Variants in NPNT observed in about 807,000 individuals in gnomAD.
NPNT encodes nephronectin.
A neutral mutation model predicts 68.6 loss-of-function variants in NPNT; 45 were observed. That is an observed-to-expected ratio of 0.66 (90% CI 0.52 to 0.84). NPNT has a LOEUF of 0.84. Ranked by LOEUF, NPNT falls within the 40% of genes least tolerant of loss-of-function variation. The pLI, the probability that NPNT is intolerant of heterozygous loss-of-function variation, is 0.00. For synonymous variants in NPNT, 233 were observed against 253.3 expected, an observed-to-expected ratio of 0.92 and a Z score of 0.76; for missense variants, 672 against 714.8, an observed-to-expected ratio of 0.94 and a Z score of 0.68.
chr4:105,942,803 T>G, intron 8 of NPNT, 101 bp downstream of exon 8: 3 of 1,157,038 alleles, frequency 2.6e-6, no homozygotes, highest in Non-Finnish European at 3.7e-6. Flanking sequence ...TAAGAAGAAC[T>G]AGCTATGTAA....
At chr4:105,949,987 C>T (rs921637053) in intron 8 of NPNT, among the ~76,000 whole-genome samples, 5 of 152,208 alleles carry the variant, frequency 3.3e-5, no homozygotes, top group South Asian at 2.1e-4. Context: ...ACTGTACTAT[C>T]GTTGATAACA....
At chr4:105,896,208 G>A (rs1270638818) in intron 1 of NPNT, among the ~76,000 whole-genome samples, 2 of 152,124 alleles carry the variant, frequency 1.3e-5, no homozygotes, top group African/African-American at 4.8e-5. Flanking sequence ...TCAGCGACTG[G>A]GCTACGGGGG....
chr4:105,949,980 G>C lies in NPNT; in HGVS notation c.1159+7278G>C, dbSNP rs973463487. ...CCAGTAATTTTTAAACTGTTCAACT[G>C]TACTATCGTTGATAACAGTAATTCA... On this transcript the variant is annotated intron_variant, in intron 8 of 11. Transcript: ENST00000379987. Among the ~76,000 whole-genome samples the C allele has an allele frequency of 3.3e-5, 5 of 152,240 alleles. No homozygotes were observed. The South Asian group carries it at 1.0e-3, about 32-fold the overall frequency.
intron 11 of NPNT, 27 bp from the exon 12 acceptor site, chr4:105,968,868 T>C (rs1732373749): frequency 7.9e-6 from 11 of 1,397,364 alleles, no homozygotes; most frequent in Non-Finnish European, 1.0e-5. Context: ...AGAGGAGGCT[T>C]GACTGGTGTG....
chr4:105,909,072 G>A (rs935356551), intron 2 of NPNT, among the ~76,000 whole-genome samples: 1 of 152,048 alleles, frequency 6.6e-6, no homozygotes, highest in Admixed American at 6.5e-5. Flanking sequence ...GTAATTATCA[G>A]CAGAATATTT....
At chr4:105,917,754 C>T (rs538115367) in intron 2 of NPNT, among the ~76,000 whole-genome samples, 1 of 152,096 alleles carries the variant, frequency 6.6e-6, no homozygotes, top group South Asian at 2.1e-4. Flanking sequence ...AATGGCATTC[C>T]ATGTGAAAGT....
chr4:105,947,683 A>G (rs534413558), intron 8 of NPNT, among the ~76,000 whole-genome samples: 28 of 152,246 alleles, frequency 1.8e-4, no homozygotes, highest in African/African-American at 5.5e-4. Context: ...GCTGGGCCCA[A>G]TAATTTATAT....
In NPNT at chr4:105,967,204, A is replaced by C; in HGVS notation, c.1362A>C (p.Thr454=). 1 of 1,613,746 alleles carries C rather than the reference A, an allele frequency of 6.2e-7. No individual in the cohort carries two copies. The highest frequency in any genetic ancestry group is 1.7e-5 in the Admixed American group (1 of 60,018). Residue 454 remains threonine (T), a synonymous_variant, in exon 11 of 12, where the codon ACA becomes ACC. Transcript: ENST00000379987. ...IRDPAGGQYL[T]VSAAKAPGGK... ...CCATTCCAGGTGGACAATATCTGAC[A>C]GTGTCGGCAGCCAAAGCCCCAGGGG...
intron 10 of NPNT, among the ~76,000 whole-genome samples, chr4:105,963,126 G>A (rs997478347): frequency 6.6e-6 from 1 of 152,128 alleles, no homozygotes. Flanking sequence ...TCAGTAGGCT[G>A]AGGCAGGAGA....
chr4:105,896,274 A>T (rs1725836660), intron 1 of NPNT, among the ~76,000 whole-genome samples: 1 of 152,106 alleles, frequency 6.6e-6, no homozygotes, highest in Non-Finnish European at 1.5e-5. Context: ...CAAAATGAGG[A>T]CCGGAGGGTG....
intron 10 of NPNT, among the ~76,000 whole-genome samples, chr4:105,965,922 T>G (rs1732091808): frequency 6.6e-6 from 1 of 152,180 alleles, no homozygotes; most frequent in African/African-American, 2.4e-5. Flanking sequence ...TTTAAGTTGT[T>G]CACAACCTGC....
intron 4 of NPNT, 80 bp from the exon 5 acceptor site, chr4:105,938,221 G>A (rs1208559949): frequency 3.0e-5 from 42 of 1,418,112 alleles, no homozygotes; most frequent in Non-Finnish European, 4.1e-5. Context: ...CTGATTTCAG[G>A]ACAAGTGAAA....
At chr4:105,964,717 T>C (rs1285847779) in intron 10 of NPNT, among the ~76,000 whole-genome samples, 1 of 152,186 alleles carries the variant, frequency 6.6e-6, no homozygotes, top group African/African-American at 2.4e-5. Context: ...GGAAGTTTTC[T>C]ATACAAAAAG....
chr4:105,897,068 G>A (rs1334214882), intron 1 of NPNT, among the ~76,000 whole-genome samples: 1 of 152,144 alleles, frequency 6.6e-6, no homozygotes, highest in Admixed American at 6.5e-5. Context: ...ACTTTAAAAA[G>A]ATGTCTAAAA....
At chr4:105,922,387 ATATT>A (rs1178101214) in intron 2 of NPNT, among the ~76,000 whole-genome samples, 4 of 129,054 alleles carry the variant, frequency 3.1e-5, no homozygotes, top group African/African-American at 1.6e-4. Flanking sequence ...CTTAAGATGG[ATATT>A]TTTTTTTTTT....
intron 3 of NPNT, among the ~76,000 whole-genome samples, chr4:105,936,590 A>T (rs890397346): frequency 1.2e-4 from 18 of 152,248 alleles, no homozygotes; most frequent in African/African-American, 4.1e-4. Context: ...CTTTAAACAG[A>T]GAAAGGAAGA....
At chr4:105,924,294 A>G (rs1428291337) in intron 2 of NPNT, among the ~76,000 whole-genome samples, 2 of 152,214 alleles carry the variant, frequency 1.3e-5, no homozygotes, top group Non-Finnish European at 2.9e-5. Context: ...CATTATATAT[A>G]TAACAAATGT....
intron 10 of NPNT, among the ~76,000 whole-genome samples, chr4:105,963,935 T>C (rs1343727621): frequency 1.3e-5 from 2 of 151,948 alleles, no homozygotes. Context: ...AGAGAGATAT[T>C]TTTGGATACA....
chr4:105,901,191 C>A (rs778528846), intron 2 of NPNT, among the ~76,000 whole-genome samples: 44 of 152,142 alleles, frequency 2.9e-4, no homozygotes, highest in Non-Finnish European at 6.0e-4. Flanking sequence ...CATATTTCAT[C>A]TTTAAAAGCT....
Sources: gnomAD v4.1 joint callset for allele counts (sites outside exome capture counted in the v4.1 genomes callset) on GRCh38, gnomAD v4.1.1 for gene constraint, MANE v1.5 for transcripts, NCBI Gene and HGNC (gene_info 2026-07-23, HGNC 2026-07-21) for gene names.